The following THSD7B variants were observed in gnomAD, a reference collection of about 807,000 sequenced individuals.
The protein encoded by THSD7B is thrombospondin type-1 domain-containing protein 7B.
THSD7B carries 138 observed loss-of-function variants against 213.6 expected under a neutral mutation model. That is an observed-to-expected ratio of 0.65 (90% confidence interval 0.56 to 0.74). The LOEUF (loss-of-function observed/expected upper bound fraction) is 0.74, where lower values mean the gene tolerates loss of function less well. Among genes scored for constraint, THSD7B ranks in the 30% least tolerant of loss-of-function variants. The probability of loss-of-function intolerance (pLI) is 0.00; values close to 1 mark genes in which losing one functional copy is unlikely to be tolerated. For missense variants in THSD7B, 1,931 were observed against 1,991.5 expected, an observed-to-expected ratio of 0.97 and a Z score of 0.58; for synonymous variants, 742 against 687.0, an observed-to-expected ratio of 1.08 and a Z score of -1.25.
At chr2:136,932,136 A>G (rs900896869) in intron 2 of THSD7B, among the ~76,000 whole-genome samples, 10 of 152,174 alleles carry the variant, frequency 6.6e-5, no homozygotes, top group Non-Finnish European at 1.5e-4. Context: ...AAAGTAACAC[A>G]CTAATTATTG....
At chr2:137,331,751 C>G (rs1684513967) in intron 12 of THSD7B, among the ~76,000 whole-genome samples, 1 of 152,204 alleles carries the variant, frequency 6.6e-6, no homozygotes, top group Non-Finnish European at 1.5e-5. Flanking sequence ...AAGCCCTGCC[C>G]CGAGGGAAGG....
chr2:136,808,915 A>G (rs371695097), intron 1 of THSD7B, among the ~76,000 whole-genome samples: 1 of 152,090 alleles, frequency 6.6e-6, no homozygotes, highest in Non-Finnish European at 1.5e-5. Context: ...GTCTATAAAA[A>G]CCTTGCACAA....
chr2:137,151,228 G>C (rs373051523), intron 5 of THSD7B, among the ~76,000 whole-genome samples: 1 of 151,860 alleles, frequency 6.6e-6, no homozygotes, highest in East Asian at 1.9e-4. Context: ...ATTACACTTA[G>C]CTTAAAACAA....
chr2:137,560,531 G>T (rs1456925124), intron 15 of THSD7B, among the ~76,000 whole-genome samples: 1 of 152,024 alleles, frequency 6.6e-6, no homozygotes, highest in East Asian at 1.9e-4. Flanking sequence ...ATGGACACAG[G>T]AGGGGGAACA....
chr2:137,343,077 T>TTTTTTTG (rs1558764241), intron 12 of THSD7B, among the ~76,000 whole-genome samples: 1 of 151,754 alleles, frequency 6.6e-6, no homozygotes. Context: ...TTCTGTTTTT[T>TTTTTTTG]TTTTTTGTTT....
At chr2:137,024,452 G>A (rs973593823) in intron 2 of THSD7B, among the ~76,000 whole-genome samples, 5 of 152,060 alleles carry the variant, frequency 3.3e-5, no homozygotes, top group African/African-American at 9.7e-5. Context: ...ATCATAATCC[G>A]CATTACCAAT....
intron 2 of THSD7B, among the ~76,000 whole-genome samples, chr2:136,989,254 C>T (rs13021391): frequency 0.08 from 12,171 of 152,006 alleles, 546 homozygotes; most frequent in Non-Finnish European, 0.086. Context: ...TCAAATCTCA[C>T]GTTGAAATGT....
intron 17 of THSD7B, among the ~76,000 whole-genome samples, chr2:137,579,787 C>T (rs1193056538): frequency 6.6e-6 from 1 of 152,040 alleles, no homozygotes; most frequent in Non-Finnish European, 1.5e-5. Flanking sequence ...GATAAGTTTT[C>T]TAGCTTCTTA....
intron 5 of THSD7B, among the ~76,000 whole-genome samples, chr2:137,142,439 A>G (rs1679604756): frequency 6.6e-6 from 1 of 151,684 alleles, no homozygotes; most frequent in Admixed American, 6.6e-5. Flanking sequence ...GCAAATTTCA[A>G]CATTCGTTTT....
At chr2:137,428,663 A>G (rs1283000416) in intron 14 of THSD7B, among the ~76,000 whole-genome samples, 1 of 152,186 alleles carries the variant, frequency 6.6e-6, no homozygotes, top group Non-Finnish European at 1.5e-5. Flanking sequence ...TGACCTCACT[A>G]TACTAGACAT....
At chr2:137,176,972 C>T (rs1443944520) in intron 7 of THSD7B, among the ~76,000 whole-genome samples, 3 of 152,132 alleles carry the variant, frequency 2.0e-5, no homozygotes, top group Non-Finnish European at 4.4e-5. Context: ...CAAACTAAGA[C>T]AAAGATACTT....
intron 2 of THSD7B, among the ~76,000 whole-genome samples, chr2:136,922,883 C>T (rs1276437917): frequency 6.6e-6 from 1 of 152,126 alleles, no homozygotes; most frequent in African/African-American, 2.4e-5. Flanking sequence ...TGCCATTCCT[C>T]TATTTGTTCA....
chr2:137,605,859 C>T (rs902246336), intron 17 of THSD7B, among the ~76,000 whole-genome samples: 1 of 151,634 alleles, frequency 6.6e-6, no homozygotes, highest in Non-Finnish European at 1.5e-5. Context: ...TTAGTAGAGA[C>T]GGGGTTTCAC....
intron 12 of THSD7B, among the ~76,000 whole-genome samples, chr2:137,281,048 C>T (rs963907413): frequency 1.3e-5 from 2 of 152,088 alleles, no homozygotes; most frequent in African/African-American, 2.4e-5. Context: ...AGAGTAGGTA[C>T]TGGAGATCGA....
At chr2:137,017,985 T>C (rs1056378307) in intron 2 of THSD7B, among the ~76,000 whole-genome samples, 15 of 118,794 alleles carry the variant, frequency 1.3e-4, no homozygotes, top group African/African-American at 4.0e-4. Context: ...TTGTCTTCCC[T>C]TTTTTTTTTT....
At chr2:136,851,669 G>A (rs921353629) in intron 1 of THSD7B, among the ~76,000 whole-genome samples, 5 of 152,058 alleles carry the variant, frequency 3.3e-5, no homozygotes, top group Middle Eastern at 3.2e-3. Context: ...CCTAGAGAGG[G>A]ATGTTTTTCT....
intron 2 of THSD7B, among the ~76,000 whole-genome samples, chr2:136,894,176 G>A (rs1683911085): frequency 6.6e-6 from 1 of 152,008 alleles, no homozygotes; most frequent in Non-Finnish European, 1.5e-5. Flanking sequence ...TTTCCCTCAG[G>A]GTTAATAATT....
intron 2 of THSD7B, among the ~76,000 whole-genome samples, chr2:136,919,304 A>G (rs558720472): frequency 3.8e-4 from 58 of 152,302 alleles, no homozygotes; most frequent in African/African-American, 1.4e-3. Flanking sequence ...ATTCTTGGTA[A>G]TTAGTACTAA....
At chr2:137,049,318 A>G (rs186917978) in intron 2 of THSD7B, among the ~76,000 whole-genome samples, 3 of 149,826 alleles carry the variant, frequency 2.0e-5, no homozygotes, top group African/African-American at 4.9e-5. Flanking sequence ...TGCAAGCCCC[A>G]TTTGCTCAAG....
Sources: allele counts gnomAD v4.1 joint callset (sites outside exome capture counted in the v4.1 genomes callset), GRCh38; gene constraint gnomAD v4.1.1; transcripts MANE v1.5; gene names NCBI Gene and HGNC (gene_info 2026-07-23, HGNC 2026-07-21).